Variants in MMP2 observed in about 807,000 individuals in gnomAD.
MMP2 encodes matrix metallopeptidase 2, also known as 72 kDa type IV collagenase.
MMP2 carries 39 observed loss-of-function variants against 74.8 expected under a neutral mutation model. The ratio of observed to expected loss-of-function variants is 0.52; its 90% CI spans 0.40 to 0.68. MMP2 has a LOEUF of 0.68. Among genes scored for constraint, MMP2 ranks in the 30% least tolerant of loss-of-function variants. The pLI, the probability that MMP2 is intolerant of heterozygous loss-of-function variation, is 0.00. For missense variants in MMP2, 803 were observed against 878.3 expected (o/e 0.91, Z 1.08); for synonymous variants, 367 against 339.8 (o/e 1.08, Z -0.88).
In MMP2 at chr16:55,488,735, C is replaced by A; in HGVS notation, c.1006+19C>A. ...GAGACCGGTGGGTGCCACTCCCTCT[C>A]CCTCCCTCAGGGCCCAGCACCTGCT... On this transcript the variant is annotated intron_variant, in intron 6 of 12. Transcript: ENST00000219070. The A allele has an allele frequency of 6.3e-7, 1 of 1,576,346 alleles. No individual in the cohort carries two copies. The highest frequency in any genetic ancestry group is 8.6e-7 in the Non-Finnish European group (1 of 1,163,954).
rs57058103 is a variant in MMP2 at position 55,499,168 on chromosome 16, C to CAAA, written c.1769+732_1769+734dup. Among the ~76,000 whole-genome samples the CAAA allele has an allele frequency of 2.7e-3, 353 of 131,826 alleles. 4 individuals are homozygous for CAAA. The highest frequency in any genetic ancestry group is 4.5e-3 in the South Asian group (18 of 4,018). 86.5% of individuals were successfully genotyped at this position (131,826 alleles called of 152,430 possible). On this transcript the variant is annotated intron_variant, in intron 11 of 12. Coordinates refer to ENST00000219070, the MANE Select transcript of MMP2 (RefSeq NM_004530.6). ...TGGGCAACAGAGTGAGACTCCAACT[C>CAAA]AAAAAAAAAAAAAAGAAAAAAGAAA...
In MMP2 at chr16:55,479,647, T is replaced by A. The variant is rs780569523; in HGVS notation, c.153+15T>A. The A allele has an allele frequency of 1.9e-6, 3 of 1,613,556 alleles. No individual in the cohort carries two copies. The African/African-American group carries it at 4.0e-5, about 22-fold the overall frequency. ...AGTTGGCAGTGGTGAGTTGCTGCGC[T>A]GGCCTCAAGGAACCACGTTTAGACA... On this transcript the variant is annotated intron_variant, in intron 1 of 12. Coordinates refer to ENST00000219070, the MANE Select transcript of MMP2 (RefSeq NM_004530.6).
At chr16:55,496,793 C>A in intron 9 of MMP2, 133 bp from the exon 10 acceptor site, 1 of 1,249,834 alleles carries the variant, frequency 8.0e-7, no homozygotes, top group South Asian at 1.3e-5. Flanking sequence ...CTCCAACCTT[C>A]CTTTGATCCT....
chr16:55,498,264 A>G (rs774795875), intron 10 of MMP2, 25 bp from the exon 11 acceptor site: 1 of 1,613,456 alleles, frequency 6.2e-7, no homozygotes, highest in South Asian at 1.1e-5. Context: ...AGCACCAGCC[A>G]ACACACCCTT....
rs1596834466 is a variant in MMP2, at chr16:55,505,660, C to T, written c.*218C>T. 1.7e-6 allele frequency: 1 copy of T among 594,712 alleles called. No homozygotes were observed. The highest frequency in any genetic ancestry group is 2.8e-5 in the East Asian group (1 of 35,260). The allele number at this position is 594,712 out of a possible 1,614,324, so 36.8% of individuals were successfully genotyped here. Reference sequence around the variant, plus strand: ...TGTACTCCTCCCAGGCGCCCCTTCCCCCTCCAATCCCACCAACCCTCAGAG... The same window carrying T: ...TGTACTCCTCCCAGGCGCCCCTTCCTCCTCCAATCCCACCAACCCTCAGAG... On this transcript the variant is annotated 3_prime_UTR_variant, in exon 13 of 13. Transcript: ENST00000219070.
chr16:55,486,723 C>T (rs1335699719), intron 5 of MMP2: 1 of 152,048 alleles, frequency 6.6e-6, no homozygotes, highest in Non-Finnish European at 1.5e-5. Flanking sequence ...AGATTGAAAG[C>T]CCAGAAAACC....
intron 1 of MMP2, 110 bp from the exon 2 acceptor site, chr16:55,482,799 C>T (rs1962137591): frequency 1.1e-6 from 1 of 939,914 alleles, no homozygotes; most frequent in Non-Finnish European, 1.7e-6. Flanking sequence ...GGCTTATTTC[C>T]TGTCTGGACT....
At position 55,485,726 on chromosome 16, in the gene MMP2, A is replaced by G. The variant is rs1596811575; in HGVS notation, c.781A>G (p.Thr261Ala). Residue 261 changes from threonine to alanine, a missense_variant, in exon 5 of 13, where the codon ACC (threonine) becomes GCC (alanine). Transcript: ENST00000219070. The part of the protein sequence containing the change: ...GRSDGFLWCS[T>A]TYNFEKDGKY... ...CAGCGATGGCTTCCTCTGGTGCTCCACCACCTACAACTTTGAGAAGGATGG... is the reference window on the plus strand; with the variant it reads ...CAGCGATGGCTTCCTCTGGTGCTCCGCCACCTACAACTTTGAGAAGGATGG... The G allele has an allele frequency of 1.2e-6, 2 of 1,614,090 alleles. No homozygotes were observed. Among genetic ancestry groups the G allele is most frequent in the Non-Finnish European group, 1.7e-6 (2 of 1,180,016 alleles).
chr16:55,486,191 A>T (rs1962243451), intron 5 of MMP2, among the ~76,000 whole-genome samples: 1 of 152,180 alleles, frequency 6.6e-6, no homozygotes. Context: ...GCTTGCTGGT[A>T]GCTGGAAACC....
intron 8 of MMP2, 38 bp downstream of exon 8, chr16:55,491,994 G>GT: frequency 1.6e-6 from 2 of 1,281,238 alleles, no homozygotes; most frequent in African/African-American, 1.5e-5. Context: ...GGAGGGTGAG[G>GT]AGGGGGGAGG....
intron 8 of MMP2, 67 bp from the exon 9 acceptor site, chr16:55,493,090 TG>T (rs547370745): frequency 8.6e-5 from 138 of 1,596,624 alleles, no homozygotes; most frequent in Non-Finnish European, 1.1e-4. Context: ...TGGGCACCCC[TG>T]GGGGCTCACC....
At chr16:55,503,837 T>A (rs1962728853) in intron 12 of MMP2, among the ~76,000 whole-genome samples, 1 of 152,066 alleles carries the variant, frequency 6.6e-6, no homozygotes, top group Non-Finnish European at 1.5e-5. Context: ...CTTCTCACCT[T>A]CAGATAATTA....
chr16:55,479,416 C>T lies in MMP2; in HGVS notation c.-64C>T, dbSNP rs1359345896. ...CGCGGAGCAGGCTCCAACCAGGCGG[C>T]GAGGCGGCCACACGCACCGAGCCAG... is the stretch of plus-strand genomic sequence containing the variant. On this transcript the variant is annotated 5_prime_UTR_variant, in exon 1 of 13. Coordinates refer to ENST00000219070, the MANE Select transcript of MMP2 (RefSeq NM_004530.6). 41 of 1,398,512 alleles carry T rather than the reference C, an allele frequency of 2.9e-5. No homozygotes were observed. The highest frequency in any genetic ancestry group is 3.6e-5 in the Non-Finnish European group (39 of 1,084,580). 86.6% of individuals were successfully genotyped at this position (1,398,512 alleles called of 1,614,324 possible).
intron 12 of MMP2, 116 bp from the exon 13 acceptor site, chr16:55,505,223 C>G: frequency 1.1e-6 from 1 of 918,206 alleles, no homozygotes; most frequent in East Asian, 2.4e-5. Flanking sequence ...TCAAAGCTCT[C>G]TTCTCGTTTA....
chr16:55,497,057 T>C lies in MMP2; in HGVS notation c.1604T>C (p.Phe535Ser), dbSNP rs1286748885. 6.2e-7 allele frequency: 1 copy of C among 1,614,118 alleles called. No homozygotes were observed. Among genetic ancestry groups the C allele is most frequent in the Non-Finnish European group, 8.5e-7 (1 of 1,180,032 alleles). ...EAPQEEKAVF[F>S]AGNEYWIYSA... ...CCACAGGAGGAGAAGGCTGTGTTCTTTGCAGGTGTGTGGGAAGCACCCTTC... is the reference window on the plus strand; with the variant it reads ...CCACAGGAGGAGAAGGCTGTGTTCTCTGCAGGTGTGTGGGAAGCACCCTTC... The change falls in exon 10 of 13, where the codon TTT (phenylalanine) becomes TCT (serine). Residue 535 changes from phenylalanine to serine, a missense_variant. Coordinates refer to ENST00000219070, the MANE Select transcript of MMP2 (RefSeq NM_004530.6).
At chr16:55,503,223 G>T (rs376586724) in intron 12 of MMP2, among the ~76,000 whole-genome samples, 7 of 152,196 alleles carry the variant, frequency 4.6e-5, no homozygotes, top group African/African-American at 1.7e-4. Context: ...GCCCATTTGC[G>T]TTTTGCAGGA....
At chr16:55,490,400 C>T (rs1231598778) in intron 7 of MMP2, among the ~76,000 whole-genome samples, 2 of 152,204 alleles carry the variant, frequency 1.3e-5, no homozygotes, top group Non-Finnish European at 1.5e-5. Flanking sequence ...GGTGGGTCCT[C>T]GTCAGTCCTG....
intron 10 of MMP2, among the ~76,000 whole-genome samples, chr16:55,497,856 C>G (rs1370914843): frequency 1.3e-5 from 2 of 152,194 alleles, no homozygotes; most frequent in African/African-American, 4.8e-5. Context: ...CTGTCCTGGT[C>G]TGAGGTGGGA....
At position 55,489,747 on chromosome 16, in the gene MMP2, G is replaced by T. The variant is rs765268187; in HGVS notation, c.1103G>T (p.Arg368Leu). The change falls in exon 7 of 13, where the codon CGC becomes CTC. Residue 368 changes from arginine (R) to leucine (L), a missense_variant. By Grantham distance (102) the Arg-to-Leu change is moderately radical. This residue lies in a region of MMP2 where 555 missense variants were observed against 592.0 expected (regional missense o/e 0.94). Transcript: ENST00000219070. ...NKYESCTSAG[R>L]SDGKMWCATT... ...TATGAGAGCTGCACCAGCGCCGGCC[G>T]CAGTGACGGAAAGATGTGGTGTGCG... 1 of 1,614,118 alleles carries T rather than the reference G, an allele frequency of 6.2e-7. No homozygotes were observed. The highest frequency in any genetic ancestry group is 1.7e-5 in the Admixed American group (1 of 60,012).
Sources: allele counts gnomAD v4.1 joint callset (sites outside exome capture counted in the v4.1 genomes callset), GRCh38; gene constraint gnomAD v4.1.1; regional missense constraint gnomAD v4.1.1; transcripts MANE v1.5; gene names NCBI Gene and HGNC (gene_info 2026-07-23, HGNC 2026-07-21).